Variants in CTNND2 observed in about 807,000 individuals in gnomAD.
The protein encoded by CTNND2 is catenin delta-2.
CTNND2 carries 22 observed loss-of-function variants against 144.4 expected under a neutral mutation model. The ratio of observed to expected loss-of-function variants is 0.15; its 90% CI spans 0.11 to 0.22. CTNND2 has a LOEUF of 0.22. Among genes scored for constraint, CTNND2 ranks in the 10% least tolerant of loss-of-function variants. The pLI, the probability that CTNND2 is intolerant of heterozygous loss-of-function variation, is 1.00. For missense variants in CTNND2, 1,353 were observed against 1,618.8 expected (o/e 0.84, Z 2.82); for synonymous variants, 751 against 695.6 (o/e 1.08, Z -1.25).
chr5:11,478,076 G>A (rs1278594018), intron 3 of CTNND2, among the ~76,000 whole-genome samples: 1 of 152,034 alleles, frequency 6.6e-6, no homozygotes, highest in Non-Finnish European at 1.5e-5. Flanking sequence ...GCAGTCTACT[G>A]GAATTATTTT....
At chr5:11,706,052 C>T (rs1785676764) in intron 2 of CTNND2, among the ~76,000 whole-genome samples, 1 of 152,142 alleles carries the variant, frequency 6.6e-6, no homozygotes, top group African/African-American at 2.4e-5. Context: ...AAGTAGCTTC[C>T]AGCCTTGAGC....
intron 1 of CTNND2, among the ~76,000 whole-genome samples, chr5:11,771,401 T>G: frequency 6.6e-6 from 1 of 152,012 alleles, no homozygotes; most frequent in Admixed American, 6.6e-5. Context: ...TTGAACATTT[T>G]TCAATGTTTA....
intron 10 of CTNND2, among the ~76,000 whole-genome samples, chr5:11,222,820 A>C (rs548212484): frequency 2.6e-5 from 4 of 152,222 alleles, no homozygotes; most frequent in South Asian, 2.1e-4. Context: ...ATAAAAAGGA[A>C]TAAGCCTGTC....
At chr5:11,411,459 C>T in intron 5 of CTNND2, 77 bp downstream of exon 5, 1 of 763,352 alleles carries the variant, frequency 1.3e-6, no homozygotes, top group South Asian at 1.6e-5. Flanking sequence ...TGGCTCATAA[C>T]AGTAATGATA....
intron 2 of CTNND2, among the ~76,000 whole-genome samples, chr5:11,689,055 G>A (rs1401366369): frequency 6.6e-6 from 1 of 152,130 alleles, no homozygotes; most frequent in African/African-American, 2.4e-5. Context: ...TCTCTGTACT[G>A]CTGTTTTATT....
chr5:11,770,607 A>G (rs965875613), intron 1 of CTNND2, among the ~76,000 whole-genome samples: 3 of 152,066 alleles, frequency 2.0e-5, no homozygotes, highest in Non-Finnish European at 4.4e-5. Flanking sequence ...ATCTTCCTAT[A>G]CTTTCCTGCA....
chr5:11,488,707 T>C (rs1769088658), intron 3 of CTNND2, among the ~76,000 whole-genome samples: 2 of 152,188 alleles, frequency 1.3e-5, no homozygotes, highest in African/African-American at 4.8e-5. Flanking sequence ...ATCCTTTAGA[T>C]ACTCCCTGAC....
At chr5:11,227,858 A>T (rs1457903385) in intron 10 of CTNND2, among the ~76,000 whole-genome samples, 1 of 152,208 alleles carries the variant, frequency 6.6e-6, no homozygotes, top group African/African-American at 2.4e-5. Flanking sequence ...TGCAAATATG[A>T]GCTGTCTTCC....
chr5:11,859,467 C>G (rs1795402381), intron 1 of CTNND2, among the ~76,000 whole-genome samples: 1 of 152,158 alleles, frequency 6.6e-6, no homozygotes, highest in Non-Finnish European at 1.5e-5. Context: ...GAATAAATAT[C>G]CAGTTCTTGA....
intron 9 of CTNND2, among the ~76,000 whole-genome samples, chr5:11,256,312 A>C (rs1415213463): frequency 3.3e-5 from 5 of 152,194 alleles, no homozygotes; most frequent in African/African-American, 4.8e-5. Context: ...CTCTGAAAAA[A>C]ATACTGTCTG....
intron 2 of CTNND2, among the ~76,000 whole-genome samples, chr5:11,637,435 AAAT>A (rs1487957960): frequency 6.6e-6 from 1 of 152,212 alleles, no homozygotes; most frequent in Middle Eastern, 3.2e-3. Flanking sequence ...TGAATATGGA[AAAT>A]AATACCTTGC....
intron 12 of CTNND2, among the ~76,000 whole-genome samples, chr5:11,143,290 A>G (rs1756925440): frequency 6.6e-6 from 1 of 152,138 alleles, no homozygotes; most frequent in African/African-American, 2.4e-5. Flanking sequence ...CTAGTTTGCT[A>G]GAGCTGCTGT....
chr5:11,250,644 G>T (rs1208819986), intron 9 of CTNND2, among the ~76,000 whole-genome samples: 1 of 151,044 alleles, frequency 6.6e-6, no homozygotes. Context: ...AGCCTCCAAA[G>T]TAGCTAGTAC....
At chr5:11,070,237 A>C (rs1748110639) in intron 16 of CTNND2, among the ~76,000 whole-genome samples, 1 of 152,198 alleles carries the variant, frequency 6.6e-6, no homozygotes, top group South Asian at 2.1e-4. Flanking sequence ...ATGCATGAAA[A>C]AAATTGGTTA....
intron 3 of CTNND2, among the ~76,000 whole-genome samples, chr5:11,509,364 A>G (rs1225506898): frequency 6.6e-6 from 1 of 152,160 alleles, no homozygotes; most frequent in Non-Finnish European, 1.5e-5. Flanking sequence ...CTATAAAAAA[A>G]CCCATTTAAA....
intron 3 of CTNND2, among the ~76,000 whole-genome samples, chr5:11,530,091 CA>C (rs1178014518): frequency 6.7e-6 from 1 of 149,240 alleles, no homozygotes; most frequent in Non-Finnish European, 1.5e-5. Flanking sequence ...TCCTTGACTG[CA>C]ATAGTTCCTT....
chr5:11,517,414 T>G (rs529150495), intron 3 of CTNND2, among the ~76,000 whole-genome samples: 24 of 152,332 alleles, frequency 1.6e-4, no homozygotes, highest in African/African-American at 5.5e-4. Flanking sequence ...GTAACACTAA[T>G]TCAAGTGATT....
chr5:11,887,627 T>A (rs1350499), intron 1 of CTNND2, among the ~76,000 whole-genome samples: 2,361 of 152,326 alleles, frequency 0.015, 60 homozygotes, highest in African/African-American at 0.05. Context: ...TTGTTATAAT[T>A]AATGACCAGT....
intron 1 of CTNND2, among the ~76,000 whole-genome samples, chr5:11,875,989 T>C (rs1214710191): frequency 4.6e-5 from 7 of 152,176 alleles, no homozygotes; most frequent in Non-Finnish European, 8.8e-5. Context: ...ACAGATGAAA[T>C]TGTGAAGAAA....
Sources: allele counts gnomAD v4.1 joint callset (sites outside exome capture counted in the v4.1 genomes callset), GRCh38; gene constraint gnomAD v4.1.1; transcripts MANE v1.5; gene names NCBI Gene and HGNC (gene_info 2026-07-23, HGNC 2026-07-21).